SH3KBP1: variants seen among roughly 807,000 people sequenced by gnomAD.
SH3KBP1 encodes the protein SH3 domain-containing kinase-binding protein 1.
SH3KBP1 carries 8 observed loss-of-function variants against 50.1 expected under a neutral mutation model. The ratio of observed to expected loss-of-function variants is 0.16; its 90% CI spans 0.09 to 0.29. The LOEUF (loss-of-function observed/expected upper bound fraction) is 0.29. Ranked by LOEUF, SH3KBP1 falls within the 10% of genes least tolerant of loss-of-function variation. The pLI is 1.00. For synonymous variants in SH3KBP1, 227 were observed against 218.6 expected (o/e 1.04, Z -0.34); for missense variants, 377 against 535.2 (o/e 0.70, Z 2.92).
intron 1 of SH3KBP1, among the ~76,000 whole-genome samples, chrX:19,845,899 C>T (rs763565894): frequency 3.6e-5 from 4 of 111,704 alleles, no homozygotes; most frequent in Non-Finnish European, 5.7e-5. Context: ...GGTGAGTCAC[C>T]ATGCCTGGCC....
chrX:19,553,581 A>G lies in SH3KBP1; in HGVS notation c.1385-3498T>C, dbSNP rs370232516. ...GAAAAAAACCAGGAATGTAGCTTAT[A>G]GAAGTGGCTCCTAGCGGGATGTGAG... is the stretch of plus-strand genomic sequence containing the variant. On this transcript the variant is annotated intron_variant, in intron 13 of 17. Coordinates refer to ENST00000397821, the MANE Select transcript of SH3KBP1 (RefSeq NM_031892.3). Among the ~76,000 whole-genome samples, 236 of 109,109 alleles carry G rather than the reference A, an allele frequency of 2.2e-3. 1 individual carries two copies. The highest frequency in any genetic ancestry group is 7.3e-3 in the African/African-American group (218 of 30,022). 94.7% of individuals were successfully genotyped at this position (109,109 alleles called of 115,157 possible).
At chrX:19,627,848 G>A (rs1182447914) in intron 8 of SH3KBP1, among the ~76,000 whole-genome samples, 2 of 112,241 alleles carry the variant, frequency 1.8e-5, no homozygotes, top group East Asian at 2.8e-4. Flanking sequence ...AGAGGAATTC[G>A]GGGTCTATCA....
rs770594052 is a variant in SH3KBP1 at position 19,649,082 on chromosome X, T to C, written c.727-3607A>G. ...CGCATCCATACATCTCTCCTCCAAC[T>C]AGAAGGCAACAAAGAGGGATGTTAG... On this transcript the variant is annotated intron_variant, in intron 6 of 17. Transcript: ENST00000397821. 2.7e-5 allele frequency among the ~76,000 whole-genome samples: 3 copies of C among 111,326 alleles called. No individual in the cohort carries two copies. The East Asian group carries it at 8.5e-4, about 32-fold the overall frequency.
chrX:19,759,281 C>T (rs773259617), intron 2 of SH3KBP1, among the ~76,000 whole-genome samples: 2 of 111,354 alleles, frequency 1.8e-5, no homozygotes, highest in Admixed American at 1.9e-4. Flanking sequence ...ATGGCCATGT[C>T]CCCATTCCTT....
intron 2 of SH3KBP1, among the ~76,000 whole-genome samples, chrX:19,764,932 C>T (rs2065550890): frequency 9.5e-6 from 1 of 105,690 alleles, no homozygotes; most frequent in Admixed American, 1.0e-4. Flanking sequence ...CCTCAGCCTC[C>T]TGAATAGCTG....
chrX:19,865,519 C>T (rs907735694), intron 1 of SH3KBP1, among the ~76,000 whole-genome samples: 1 of 111,924 alleles, frequency 8.9e-6, no homozygotes, highest in East Asian at 2.8e-4. Flanking sequence ...GAGGTTCAAA[C>T]CTTAACAGTG....
intron 2 of SH3KBP1, among the ~76,000 whole-genome samples, chrX:19,768,176 C>A (rs2065679772): frequency 9.1e-6 from 1 of 109,415 alleles, no homozygotes; most frequent in Non-Finnish European, 1.9e-5. Flanking sequence ...ATCTATTACC[C>A]TCCTCAGCTA....
Position 19,709,415 on chromosome X carries a change from T to C in SH3KBP1, c.287-2431A>G, listed in dbSNP as rs758265585. Among the ~76,000 whole-genome samples the C allele has an allele frequency of 2.7e-5, 3 of 111,622 alleles. No homozygotes were observed. The East Asian group carries it at 8.5e-4, about 31-fold the overall frequency. On this transcript the variant is annotated intron_variant, in intron 3 of 17. Transcript: ENST00000397821. ...TCACCCTCTCCTCCTGCCAACCACA[T>C]GAGTTAAAAAATAAAAGCCAGAATG...
At chrX:19,607,260 C>T (rs2067269603) in intron 9 of SH3KBP1, among the ~76,000 whole-genome samples, 1 of 112,192 alleles carries the variant, frequency 8.9e-6, no homozygotes, top group Non-Finnish European at 1.9e-5. Flanking sequence ...GGGCAAAGAA[C>T]CTAAATATGG....
chrX:19,556,381 A>G (rs1269777804), intron 13 of SH3KBP1, among the ~76,000 whole-genome samples: 2 of 109,978 alleles, frequency 1.8e-5, no homozygotes, highest in Non-Finnish European at 3.8e-5. Context: ...ACCATGAGGT[A>G]GTCTGAATGG....
intron 6 of SH3KBP1, among the ~76,000 whole-genome samples, chrX:19,675,153 T>C (rs2062896208): frequency 9.0e-6 from 1 of 111,210 alleles, no homozygotes; most frequent in African/African-American, 3.3e-5. Context: ...TAGGTACTCT[T>C]TCTACTCTAA....
chrX:19,777,647 G>A (rs7882845), intron 2 of SH3KBP1, among the ~76,000 whole-genome samples: 3,424 of 111,489 alleles, frequency 0.031, 105 homozygotes, highest in African/African-American at 0.097. Flanking sequence ...AAGTCTGGAC[G>A]GGCTCCCTAG....
intron 12 of SH3KBP1, among the ~76,000 whole-genome samples, chrX:19,584,892 G>A (rs1044862602): frequency 3.6e-5 from 4 of 111,416 alleles, no homozygotes; most frequent in African/African-American, 1.3e-4. Context: ...GCATGCAATC[G>A]TCCATCTATC....
chrX:19,721,277 A>G (rs1419714890), intron 3 of SH3KBP1, among the ~76,000 whole-genome samples: 1 of 111,578 alleles, frequency 9.0e-6, no homozygotes, highest in African/African-American at 3.3e-5. Flanking sequence ...GGGAAGAAAA[A>G]TACATCTTTT....
chrX:19,873,854 G>A (rs2069145007), intron 1 of SH3KBP1, among the ~76,000 whole-genome samples: 1 of 105,321 alleles, frequency 9.5e-6, no homozygotes, highest in African/African-American at 3.5e-5. Flanking sequence ...TTCGAGACCA[G>A]CCTGGATAAC....
chrX:19,794,232 A>C (rs112938280), intron 2 of SH3KBP1, among the ~76,000 whole-genome samples: 1 of 92,384 alleles, frequency 1.1e-5, no homozygotes, highest in Non-Finnish European at 2.1e-5. Context: ...TGTCTCTACA[A>C]AAAAAAAAAA....
At chrX:19,794,236 A>G (rs1340718153) in intron 2 of SH3KBP1, among the ~76,000 whole-genome samples, 2 of 98,418 alleles carry the variant, frequency 2.0e-5, no homozygotes, top group Admixed American at 2.1e-4. Context: ...TCTACAAAAA[A>G]AAAAAAAAAA....
intron 11 of SH3KBP1, among the ~76,000 whole-genome samples, chrX:19,589,706 C>T (rs781468975): frequency 9.1e-6 from 1 of 110,322 alleles, no homozygotes; most frequent in South Asian, 3.9e-4. Flanking sequence ...AGTTGCCCAA[C>T]GGACTATAGG....
At chrX:19,872,589 G>A (rs2069082928) in intron 1 of SH3KBP1, among the ~76,000 whole-genome samples, 1 of 109,548 alleles carries the variant, frequency 9.1e-6, no homozygotes, top group Admixed American at 9.8e-5. Flanking sequence ...GGCTAACACG[G>A]TGAAACCTCA....
Sources: gnomAD v4.1 joint callset for allele counts (sites outside exome capture counted in the v4.1 genomes callset) on GRCh38, gnomAD v4.1.1 for gene constraint, MANE v1.5 for transcripts, NCBI Gene and HGNC (gene_info 2026-07-23, HGNC 2026-07-21) for gene names.